Variants in DCDC2C observed in about 807,000 individuals in gnomAD.
DCDC2C encodes doublecortin domain containing 2C.
Under a neutral mutation model 45.0 loss-of-function variants are expected in DCDC2C, and 44 were observed. That is an observed-to-expected ratio of 0.98 (90% confidence interval 0.77 to 1.26). The LOEUF (loss-of-function observed/expected upper bound fraction) is 1.26, where lower values mean the gene tolerates loss of function less well. DCDC2C is among the 50% of genes most tolerant of loss of function. The pLI is 0.00. For missense variants in DCDC2C, 447 were observed against 468.9 expected (o/e 0.95, Z 0.43); for synonymous variants, 187 against 178.8 (o/e 1.05, Z -0.37).
chr2:3,829,945 A>G (rs1011118879), intron 10 of DCDC2C, among the ~76,000 whole-genome samples: 3 of 152,208 alleles, frequency 2.0e-5, no homozygotes, highest in Non-Finnish European at 2.9e-5. Flanking sequence ...TTGCCGCTCT[A>G]AGTCTTAGCT....
chr2:3,757,412 A>G (rs1423102515), intron 6 of DCDC2C, among the ~76,000 whole-genome samples: 1 of 152,230 alleles, frequency 6.6e-6, no homozygotes. Context: ...CAATCAAAGT[A>G]TCAGCTTTCT....
chr2:3,749,515 C>T (rs1396327617), intron 4 of DCDC2C, among the ~76,000 whole-genome samples: 1 of 152,214 alleles, frequency 6.6e-6, no homozygotes, highest in Non-Finnish European at 1.5e-5. Context: ...CTGTCTGGAA[C>T]TTCCTTCCTG....
At position 3,837,622 on chromosome 2, in the gene DCDC2C, A is replaced by ACACAGTATGAAGGG. The variant is rs1558249632; in HGVS notation, c.1066-9532_1066-9531insCACAGTATGAAGGG. Among the ~76,000 whole-genome samples, 2 of 124,482 alleles carry ACACAGTATGAAGGG rather than the reference A, an allele frequency of 1.6e-5. 1 individual carries two copies. Among genetic ancestry groups the ACACAGTATGAAGGG allele is most frequent in the Non-Finnish European group, 3.7e-5 (2 of 53,998 alleles). The allele number at this position is 124,482 out of a possible 152,430, so 81.7% of individuals were successfully genotyped here. A position where few individuals can be genotyped will look rare whatever the true frequency, so the allele number is the denominator to read the frequency against. On this transcript the variant is annotated intron_variant, in intron 10 of 10. Transcript: ENST00000399143. ...TCATCTAAAGGGGAAGAAACTGAGG[A>ACACAGTATGAAGGG]AGAAATCAGCCTTTGGCTCCCCCTT... is the stretch of plus-strand genomic sequence containing the variant.
chr2:3,753,282 A>C (rs1014589647), intron 5 of DCDC2C, among the ~76,000 whole-genome samples: 9 of 152,354 alleles, frequency 5.9e-5, no homozygotes, highest in Non-Finnish European at 1.3e-4. Context: ...TCTAAAATAC[A>C]GAATTTGTGC....
chr2:3,796,509 C>G lies in DCDC2C; in HGVS notation c.1065+11409C>G, dbSNP rs1475112948. On this transcript the variant is annotated intron_variant, in intron 10 of 10. Coordinates refer to ENST00000399143, the MANE Select transcript of DCDC2C (RefSeq NM_001287444.2). ...AGTATGATATTGGCTGTGGGTTTGT[C>G]ATAGATAGCTCTTATTATTTTGAAA... Among the ~76,000 whole-genome samples, 109 of 109,908 alleles carry G rather than the reference C, an allele frequency of 9.9e-4. 15 individuals are homozygous for G. The highest frequency in any genetic ancestry group is 4.1e-3 in the African/African-American group (105 of 25,818). 72.1% of individuals were successfully genotyped at this position (109,908 alleles called of 152,430 possible).
At chr2:3,723,267 C>T (rs1050277146) in intron 2 of DCDC2C, among the ~76,000 whole-genome samples, 2 of 152,176 alleles carry the variant, frequency 1.3e-5, no homozygotes, top group Non-Finnish European at 2.9e-5. Context: ...CTACAAAGGA[C>T]GATGGAAGCA....
chr2:3,827,209 A>T (rs1033201724), intron 10 of DCDC2C, among the ~76,000 whole-genome samples: 3 of 152,192 alleles, frequency 2.0e-5, no homozygotes, highest in Non-Finnish European at 4.4e-5. Context: ...GAAGGGGAAG[A>T]GATCCTCTCA....
chr2:3,756,017 C>T (rs1171498175), intron 6 of DCDC2C, among the ~76,000 whole-genome samples: 1 of 145,494 alleles, frequency 6.9e-6, no homozygotes, highest in Non-Finnish European at 1.5e-5. Context: ...TGTAGATGCA[C>T]GTGTGTGTAT....
At chr2:3,814,146 C>CT (rs1357577279) in intron 10 of DCDC2C, among the ~76,000 whole-genome samples, 1 of 152,118 alleles carries the variant, frequency 6.6e-6, no homozygotes, top group Non-Finnish European at 1.5e-5. Flanking sequence ...TCCCCACCTC[C>CT]TTTTGGTACT....
chr2:3,793,930 G>A (rs1485442812), intron 10 of DCDC2C, among the ~76,000 whole-genome samples: 2 of 152,182 alleles, frequency 1.3e-5, no homozygotes, highest in African/African-American at 4.8e-5. Context: ...ACATAAATAT[G>A]TACTTGAAAA....
At chr2:3,832,778 C>T (rs565064407) in intron 10 of DCDC2C, among the ~76,000 whole-genome samples, 1 of 152,350 alleles carries the variant, frequency 6.6e-6, no homozygotes, top group South Asian at 2.1e-4. Context: ...GTGAGCCATG[C>T]AGTTTCTCTC....
chr2:3,758,660 G>A (rs2148136312), intron 6 of DCDC2C, among the ~76,000 whole-genome samples: 1 of 152,282 alleles, frequency 6.6e-6, no homozygotes, highest in East Asian at 1.9e-4. Context: ...AAACCCAGGT[G>A]CTTCAGGCAA....
Position 3,708,604 on chromosome 2 carries a change from A to T in DCDC2C, c.339+4A>T. 2 of 1,547,936 alleles carry T rather than the reference A, an allele frequency of 1.3e-6. No individual in the cohort carries two copies. The highest frequency in any genetic ancestry group is 1.7e-6 in the Non-Finnish European group (2 of 1,145,158). ...AAAGATAAGGAAGTTGAAGGAAGTA[A>T]GTGTTTGCTTCTAACAACTAATAAT... On this transcript the variant is annotated splice_donor_region_variant and intron_variant, in intron 2 of 10. Coordinates refer to ENST00000399143, the MANE Select transcript of DCDC2C (RefSeq NM_001287444.2).
At chr2:3,744,155 G>C (rs1361706280) in intron 4 of DCDC2C, among the ~76,000 whole-genome samples, 1 of 152,210 alleles carries the variant, frequency 6.6e-6, no homozygotes, top group Non-Finnish European at 1.5e-5. Flanking sequence ...GAACCAGCCT[G>C]CAGTTGCATG....
chr2:3,729,539 A>T (rs974781643), intron 3 of DCDC2C, among the ~76,000 whole-genome samples: 3 of 152,184 alleles, frequency 2.0e-5, no homozygotes, highest in Admixed American at 6.5e-5. Flanking sequence ...GAGAAGTGGA[A>T]AAGTACAAAG....
At chr2:3,819,469 G>C (rs1308455080) in intron 10 of DCDC2C, among the ~76,000 whole-genome samples, 2 of 152,220 alleles carry the variant, frequency 1.3e-5, no homozygotes, top group Non-Finnish European at 2.9e-5. Context: ...TCTCACAGTG[G>C]AGGCAAGGAA....
chr2:3,757,611 G>T (rs1009124932), intron 6 of DCDC2C, among the ~76,000 whole-genome samples: 1 of 152,204 alleles, frequency 6.6e-6, no homozygotes, highest in Non-Finnish European at 1.5e-5. Context: ...TGAGGCCGTG[G>T]TGAGGTGTTG....
intron 3 of DCDC2C, among the ~76,000 whole-genome samples, chr2:3,741,452 A>G (rs113046673): frequency 0.018 from 2,691 of 152,266 alleles, 76 homozygotes; most frequent in African/African-American, 0.061. Context: ...ATTTTTATCA[A>G]GCTGCCCAGA....
At chr2:3,763,223 A>T (rs985375840) in intron 6 of DCDC2C, among the ~76,000 whole-genome samples, 1 of 152,116 alleles carries the variant, frequency 6.6e-6, no homozygotes, top group Non-Finnish European at 1.5e-5. Context: ...CCTGGCTCTG[A>T]GATCCCTCCC....
Sources: allele counts gnomAD v4.1 joint callset (sites outside exome capture counted in the v4.1 genomes callset), GRCh38; gene constraint gnomAD v4.1.1; transcripts MANE v1.5; gene names NCBI Gene and HGNC (gene_info 2026-07-23, HGNC 2026-07-21).